ODR4: variants seen among roughly 807,000 people sequenced by gnomAD.
ODR4 encodes the protein protein odr-4 homolog.
In ODR4, 47 loss-of-function variants were observed where a neutral mutation model predicts 60.2. The observed-to-expected ratio is 0.78, with a 90% confidence interval of 0.62 to 1.00. The LOEUF is 1.00. Ranked by LOEUF, ODR4 falls within the 50% of genes least tolerant of loss-of-function variation. The probability of loss-of-function intolerance (pLI) is 0.00; values close to 1 mark genes in which losing one functional copy is unlikely to be tolerated. For missense variants in ODR4, 488 were observed against 530.8 expected (o/e 0.92, Z 0.79); for synonymous variants, 178 against 175.5 (o/e 1.01, Z -0.11).
intron 4 of ODR4, among the ~76,000 whole-genome samples, chr1:186,386,952 A>G (rs1381798911): frequency 6.6e-6 from 1 of 152,158 alleles, no homozygotes; most frequent in African/African-American, 2.4e-5. Context: ...GTTTTCCCTT[A>G]AACCCAAACC....
chr1:186,394,485 C>T (rs1660595778), intron 9 of ODR4, among the ~76,000 whole-genome samples: 1 of 152,108 alleles, frequency 6.6e-6, no homozygotes, highest in Non-Finnish European at 1.5e-5. Context: ...CTTTAATTTA[C>T]ACGTCTTTTC....
At chr1:186,405,263 G>A (rs1187444347) in intron 11 of ODR4, among the ~76,000 whole-genome samples, 1 of 152,006 alleles carries the variant, frequency 6.6e-6, no homozygotes, top group Non-Finnish European at 1.5e-5. Flanking sequence ...TATAGGAAGG[G>A]GGCTACATCT....
chr1:186,388,392 C>A, intron 4 of ODR4, 50 bp from the exon 5 acceptor site: 2 of 1,031,876 alleles, frequency 1.9e-6, no homozygotes, highest in Non-Finnish European at 2.7e-6. Context: ...CAACACTCAT[C>A]TTTTTTTTTC....
intron 6 of ODR4, among the ~76,000 whole-genome samples, 171 bp from the exon 7 acceptor site, chr1:186,390,540 C>G (rs1199529349): frequency 2.0e-5 from 3 of 152,092 alleles, no homozygotes; most frequent in African/African-American, 7.2e-5. Context: ...TTAACACATG[C>G]TTTATTTTGT....
At chr1:186,380,370 G>T (rs1410871968) in intron 2 of ODR4, among the ~76,000 whole-genome samples, 2 of 151,880 alleles carry the variant, frequency 1.3e-5, no homozygotes, top group Non-Finnish European at 2.9e-5. Context: ...ATTTTTTGTT[G>T]TTGTTGTTGG....
intron 13 of ODR4, among the ~76,000 whole-genome samples, 160 bp downstream of exon 13, chr1:186,417,814 G>T (rs1661629025): frequency 6.6e-6 from 1 of 152,146 alleles, no homozygotes; most frequent in Non-Finnish European, 1.5e-5. Flanking sequence ...GAGATAGGAA[G>T]ATTTATAATT....
intron 4 of ODR4, among the ~76,000 whole-genome samples, chr1:186,386,591 G>A (rs964087497): frequency 5.3e-5 from 8 of 152,254 alleles, no homozygotes; most frequent in African/African-American, 1.7e-4. Context: ...CTTTGTGGAA[G>A]TAATTCTTTT....
intron 5 of ODR4, 64 bp from the exon 6 acceptor site, chr1:186,389,524 A>C: frequency 7.9e-7 from 1 of 1,267,514 alleles, no homozygotes; most frequent in Non-Finnish European, 1.1e-6. Context: ...ATTTTTTGAT[A>C]GTTTATATTC....
At position 186,399,027 on chromosome 1, in the gene ODR4, A is replaced by C; in HGVS notation, c.983A>C (p.Glu328Ala). Reference sequence around the variant, plus strand: ...CTATTTGAGGATCTGCTTTTGAATGAAATTCCAGAAAAAAAAGTTATGAGT... The same window carrying C: ...CTATTTGAGGATCTGCTTTTGAATGCAATTCCAGAAAAAAAAGTTATGAGT... ...EMLFEDLLLN[E>A]IPEKKDSEKE... Residue 328 changes from glutamate to alanine, a missense_variant, in exon 11 of 14, where the codon GAA becomes GCA. By Grantham distance (107) the Glu-to-Ala change is moderately radical (BLOSUM62 -1). Transcript: ENST00000287859. 2 of 1,610,614 alleles carry C rather than the reference A, an allele frequency of 1.2e-6. No individual in the cohort carries two copies. Among genetic ancestry groups the C allele is most frequent in the South Asian group, 1.1e-5 (1 of 90,480 alleles).
intron 12 of ODR4, 102 bp downstream of exon 12, chr1:186,406,370 C>T (rs1661175248): frequency 1.2e-6 from 1 of 850,662 alleles, no homozygotes; most frequent in South Asian, 2.6e-5. Flanking sequence ...TTTTTTAAAG[C>T]TAGTTCTGTT....
intron 12 of ODR4, among the ~76,000 whole-genome samples, chr1:186,416,713 AG>A (rs1661583799): frequency 6.6e-6 from 1 of 150,602 alleles, no homozygotes; most frequent in Admixed American, 6.6e-5. Flanking sequence ...AAAATTAGCC[AG>A]GTGTGGTGGC....
At chr1:186,379,105 G>C (rs1659915129) in intron 1 of ODR4, among the ~76,000 whole-genome samples, 1 of 152,306 alleles carries the variant, frequency 6.6e-6, no homozygotes, top group South Asian at 2.1e-4. Flanking sequence ...CTTAGCAATA[G>C]AGTATCAAAG....
chr1:186,405,615 C>T (rs1031730340), intron 11 of ODR4, among the ~76,000 whole-genome samples: 6 of 152,068 alleles, frequency 3.9e-5, no homozygotes, highest in Admixed American at 1.3e-4. Flanking sequence ...TGCAGTGGTG[C>T]GATCTTGGCT....
chr1:186,389,328 A>G (rs933599924), intron 5 of ODR4, among the ~76,000 whole-genome samples: 1 of 152,152 alleles, frequency 6.6e-6, no homozygotes, highest in East Asian at 1.9e-4. Flanking sequence ...ATTTATTGCA[A>G]TTAGCGGGAT....
At chr1:186,406,618 T>TA (rs1157048787) in intron 12 of ODR4, among the ~76,000 whole-genome samples, 2 of 152,192 alleles carry the variant, frequency 1.3e-5, no homozygotes, top group African/African-American at 4.8e-5. Context: ...TCTTACTTGG[T>TA]AAAGCATCAT....
At chr1:186,377,028 C>T (rs893783255) in intron 1 of ODR4, among the ~76,000 whole-genome samples, 1 of 152,134 alleles carries the variant, frequency 6.6e-6, no homozygotes, top group Admixed American at 6.5e-5. Context: ...GCATTGGTTC[C>T]AGGACCCTCT....
intron 11 of ODR4, chr1:186,399,318 A>G (rs1571683269): frequency 4.8e-6 from 2 of 417,762 alleles, no homozygotes; most frequent in East Asian, 5.7e-5. Flanking sequence ...CAGTCCTCCT[A>G]CCTCAGCCTC....
intron 3 of ODR4, among the ~76,000 whole-genome samples, chr1:186,384,672 T>C (rs1660184462): frequency 6.6e-6 from 1 of 152,102 alleles, no homozygotes; most frequent in African/African-American, 2.4e-5. Context: ...AGGTTAATTT[T>C]ACTTTTTCCC....
rs140482738 is a variant in ODR4 at position 186,387,863 on chromosome 1, A to G, written c.331-579A>G. Among the ~76,000 whole-genome samples the G allele has an allele frequency of 1.5e-4, 23 of 152,296 alleles. No individual in the cohort carries two copies. The East Asian group carries it at 4.2e-3, about 28-fold the overall frequency. ...TAATTCTTATTTCTGACACAAATTT[A>G]TCTCACTATTCTACTTTAACTTTCA... On this transcript the variant is annotated intron_variant, in intron 4 of 13. Coordinates refer to ENST00000287859, the MANE Select transcript of ODR4 (RefSeq NM_017847.6).
Sources: allele counts gnomAD v4.1 joint callset (sites outside exome capture counted in the v4.1 genomes callset), GRCh38; gene constraint gnomAD v4.1.1; transcripts MANE v1.5; gene names NCBI Gene and HGNC (gene_info 2026-07-23, HGNC 2026-07-21).